WDR33: variants seen among roughly 807,000 people sequenced by gnomAD.
WDR33 encodes pre-mRNA 3' end processing protein WDR33.
In WDR33, 47 loss-of-function variants were observed where a neutral mutation model predicts 164.9. The observed-to-expected ratio is 0.29, with a 90% confidence interval of 0.23 to 0.36. WDR33 has a LOEUF of 0.36. Among genes scored for constraint, WDR33 ranks in the 10% least tolerant of loss-of-function variants. The probability of loss-of-function intolerance (pLI) is 1.00; values close to 1 mark genes in which losing one functional copy is unlikely to be tolerated. For synonymous variants in WDR33, 505 were observed against 589.0 expected (o/e 0.86, Z 2.06); for missense variants, 1,137 against 1,754.1 (o/e 0.65, Z 6.28).
At chr2:127,788,251 C>A (rs1182029512) in intron 1 of WDR33, among the ~76,000 whole-genome samples, 11 of 64,454 alleles carry the variant, frequency 1.7e-4, no homozygotes, top group African/African-American at 6.4e-5. Context: ...GGGGGCTGAC[C>A]CCCCCCACCT....
At position 127,726,717 on chromosome 2, in the gene WDR33, C is replaced by T; in HGVS notation, c.785G>A (p.Gly262Glu). ...GATTGGCTGTTGACTATCTTTACTT[C>T]CTGAAACAACTAACCCTTTGGTTGG... ...WHPTKGLVVS[G>E]SKDSQQPIKF... Residue 262 changes from glycine to glutamate, a missense_variant, in exon 8 of 22, where the codon GGA (glycine) becomes GAA (glutamate). Gly to Glu is a moderately conservative substitution (Grantham distance 98, BLOSUM62 -2). Around this residue, in one of 9 missense-constraint regions of WDR33, gnomAD observed 83 missense variants for 189.2 expected, o/e 0.44. Transcript: ENST00000322313. This position sits in a 1 kb window ranked among gnomAD's most constrained non-coding sequence, Gnocchi z 4.8. 1 of 1,614,194 alleles carries T rather than the reference C, an allele frequency of 6.2e-7. No homozygotes were observed. Among genetic ancestry groups the T allele is most frequent in the Middle Eastern group, 1.6e-4 (1 of 6,062 alleles).
At chr2:127,765,322 A>G in intron 4 of WDR33, 53 bp from the exon 5 acceptor site, 1 of 1,300,288 alleles carries the variant, frequency 7.7e-7, no homozygotes, top group Non-Finnish European at 1.1e-6. Flanking sequence ...CTAATTTTGA[A>G]AAACATATTA....
At chr2:127,809,031 CAAAA>C (rs11305287) in intron 1 of WDR33, among the ~76,000 whole-genome samples, 2 of 84,930 alleles carry the variant, frequency 2.4e-5, no homozygotes, top group Non-Finnish European at 4.5e-5. Flanking sequence ...ACTCTTGTCT[CAAAA>C]AAAAAAAAAA....
chr2:127,703,028 T>A lies in WDR33; in HGVS notation c.*3295A>T, dbSNP rs1685931544. ...TACAATTTGCAGGCTGATCTTAAGA[T>A]TTTTTTATATCTAATTGCTGCTGCC... On this transcript the variant is annotated 3_prime_UTR_variant, in exon 22 of 22. Coordinates refer to ENST00000322313, the MANE Select transcript of WDR33 (RefSeq NM_018383.5). The A allele has an allele frequency of 2.4e-5, 4 of 167,056 alleles. No individual in the cohort carries two copies. 10.3% of individuals were successfully genotyped at this position (167,056 alleles called of 1,614,324 possible). A position where few individuals can be genotyped will look rare whatever the true frequency, so the allele number is the denominator to read the frequency against.
intron 7 of WDR33, among the ~76,000 whole-genome samples, chr2:127,730,108 T>C (rs1686667175): frequency 6.6e-6 from 1 of 152,148 alleles, no homozygotes; most frequent in South Asian, 2.1e-4. Context: ...AGTTTTGTAA[T>C]TTTTCAACTT....
Position 127,735,631 on chromosome 2 carries a change from G to A in WDR33, c.725-8854C>T. 1 of 985,726 alleles carries A rather than the reference G, an allele frequency of 1.0e-6. No homozygotes were observed. Among genetic ancestry groups the A allele is most frequent in the African/African-American group, 1.7e-5 (1 of 57,320 alleles). The allele number at this position is 985,726 out of a possible 1,614,324, so 61.1% of individuals were successfully genotyped here. A position where few individuals can be genotyped will look rare whatever the true frequency, so the allele number is the denominator to read the frequency against. ...TGTTAAACATTAACAGCAAACTCAG[G>A]CTACTTCTAGCCACAAGAACATAAA... On this transcript the variant is annotated intron_variant, in intron 7 of 21. Coordinates refer to ENST00000322313, the MANE Select transcript of WDR33 (RefSeq NM_018383.5). This position sits in a 1 kb window ranked among gnomAD's most constrained non-coding sequence, Gnocchi z 4.3.
At chr2:127,747,861 T>C (rs962052776) in intron 7 of WDR33, among the ~76,000 whole-genome samples, 1 of 152,224 alleles carries the variant, frequency 6.6e-6, no homozygotes. Context: ...ACTAATCTGA[T>C]GTTCAAGCTA....
intron 18 of WDR33, among the ~76,000 whole-genome samples, chr2:127,711,781 T>TATATATATA (rs1491108798): frequency 5.3e-5 from 5 of 93,992 alleles, no homozygotes; most frequent in African/African-American, 1.2e-4. Context: ...TATATATATA[T>TATATATATA]TTTTTTTTTG....
intron 21 of WDR33, among the ~76,000 whole-genome samples, chr2:127,707,331 A>G (rs1370872006): frequency 1.3e-5 from 2 of 152,154 alleles, no homozygotes; most frequent in African/African-American, 2.4e-5. Context: ...CACATCTCCC[A>G]TAATGCACTC....
intron 7 of WDR33, among the ~76,000 whole-genome samples, chr2:127,728,940 CA>C (rs555479736): frequency 3.3e-5 from 5 of 152,084 alleles, no homozygotes; most frequent in African/African-American, 1.2e-4. Flanking sequence ...TACGTAAAAA[CA>C]AAAAAACTAT....
intron 7 of WDR33, among the ~76,000 whole-genome samples, chr2:127,727,662 C>T (rs892559062): frequency 2.0e-5 from 3 of 152,036 alleles, no homozygotes; most frequent in Admixed American, 6.5e-5. Flanking sequence ...AAGTCATAAA[C>T]GTGAAAGTCA....
At chr2:127,762,991 G>A in intron 7 of WDR33, 71 bp downstream of exon 7, 1 of 1,608,340 alleles carries the variant, frequency 6.2e-7, no homozygotes, top group Non-Finnish European at 8.5e-7. Context: ...CAGTATTGTG[G>A]TTTTGTGATG....
At chr2:127,786,047 A>G (rs921362129) in intron 1 of WDR33, among the ~76,000 whole-genome samples, 1 of 152,044 alleles carries the variant, frequency 6.6e-6, no homozygotes, top group African/African-American at 2.4e-5. Context: ...ATTTTATTCT[A>G]TTTTTTGAGA....
At chr2:127,808,357 G>C (rs1243360482) in intron 1 of WDR33, among the ~76,000 whole-genome samples, 8 of 152,188 alleles carry the variant, frequency 5.3e-5, no homozygotes, top group Admixed American at 5.2e-4. Flanking sequence ...AGGTCCATTT[G>C]CTGCTGAAAC....
In WDR33 at chr2:127,706,055, TA is replaced by T. The variant is rs570651272; in HGVS notation, c.*267del. 7 of 376,874 alleles carry T rather than the reference TA, an allele frequency of 1.9e-5. No homozygotes were observed. Among genetic ancestry groups the T allele is most frequent in the Admixed American group, 4.5e-5 (1 of 22,070 alleles). 23.3% of individuals were successfully genotyped at this position (376,874 alleles called of 1,614,324 possible). ...GAGATGCCCCATGTCTTGTGAGACT[TA>T]AAAAAAAGAAAAAGATCCCAGCTTT... On this transcript the variant is annotated 3_prime_UTR_variant, in exon 22 of 22. Transcript: ENST00000322313. This position sits in a 1 kb window ranked among gnomAD's most constrained non-coding sequence, Gnocchi z 5.1.
chr2:127,723,123 A>C lies in WDR33; in HGVS notation c.1292-79T>G, dbSNP rs1686482360. ...ATAAAATTAATGCTTTATAAAAATG[A>C]ATGTCACTGATGATTTATAAATAAA... On this transcript the variant is annotated intron_variant, in intron 12 of 21. Coordinates refer to ENST00000322313, the MANE Select transcript of WDR33 (RefSeq NM_018383.5). The surrounding 1 kb of genome is among the most constrained non-coding windows in gnomAD (Gnocchi z 5.9). 7.0e-7 allele frequency: 1 copy of C among 1,436,472 alleles called. No homozygotes were observed. Among genetic ancestry groups the C allele is most frequent in the Non-Finnish European group, 9.5e-7 (1 of 1,051,514 alleles). 89.0% of individuals were successfully genotyped at this position (1,436,472 alleles called of 1,614,324 possible). A position where few individuals can be genotyped will look rare whatever the true frequency, so the allele number is the denominator to read the frequency against.
In WDR33 at chr2:127,738,027, TAAC is replaced by T. The variant is rs779834999; in HGVS notation, c.725-11253_725-11251del. 9.3e-6 allele frequency: 15 copies of T among 1,612,962 alleles called. No individual in the cohort carries two copies. The highest frequency in any genetic ancestry group is 1.6e-4 in the Middle Eastern group (1 of 6,082). On this transcript the variant is annotated intron_variant, in intron 7 of 21. Coordinates refer to ENST00000322313, the MANE Select transcript of WDR33 (RefSeq NM_018383.5). This position sits in a 1 kb window ranked among gnomAD's most constrained non-coding sequence, Gnocchi z 4.4. ...TATTCACCTCTTGACAGAAAGGAAG[TAAC>T]AACGGCAGTGATGAAAACATGTATC... is the stretch of plus-strand genomic sequence containing the variant.
chr2:127,725,522 A>G lies in WDR33; in HGVS notation c.852-307T>C, dbSNP rs574690757. On this transcript the variant is annotated intron_variant, in intron 8 of 21. Transcript: ENST00000322313. Reference sequence around the variant, plus strand: ...GAAGCCTAGGCGAGTGGATCACCTGAGGTCAGTTCAAGACCAGCCTGGCCA... The same window carrying G: ...GAAGCCTAGGCGAGTGGATCACCTGGGGTCAGTTCAAGACCAGCCTGGCCA... Among the ~76,000 whole-genome samples the G allele has an allele frequency of 2.6e-5, 4 of 152,278 alleles. No individual in the cohort carries two copies. In the East Asian group the frequency reaches 7.7e-4, roughly 29 times the overall value.
chr2:127,748,256 A>AC (rs1469166462), intron 7 of WDR33, among the ~76,000 whole-genome samples: 8 of 152,260 alleles, frequency 5.3e-5, no homozygotes, highest in Middle Eastern at 3.4e-3. Context: ...TTACTAGGAC[A>AC]CCCCATGGTT....
Sources: allele counts gnomAD v4.1 joint callset (sites outside exome capture counted in the v4.1 genomes callset), GRCh38; gene constraint gnomAD v4.1.1; regional missense constraint gnomAD v4.1.1; non-coding constraint Gnocchi (gnomAD v3.1); transcripts MANE v1.5; gene names NCBI Gene and HGNC (gene_info 2026-07-23, HGNC 2026-07-21).